Variants in LINGO2 observed in about 807,000 individuals in gnomAD.
LINGO2 encodes leucine-rich repeat and immunoglobulin-like domain-containing nogo receptor-interacting protein 2.
In LINGO2, 14 loss-of-function variants were observed where a neutral mutation model predicts 30.6. That is an observed-to-expected ratio of 0.46 (90% CI 0.30 to 0.72). LINGO2 has a LOEUF of 0.72. Ranked by LOEUF, LINGO2 falls within the 30% of genes least tolerant of loss-of-function variation. LINGO2 has a pLI of 0.07. For missense variants in LINGO2, 729 were observed against 751.7 expected (o/e 0.97, Z 0.35); for synonymous variants, 317 against 288.5 (o/e 1.10, Z -1.00).
the LINGO2 span, among the ~76,000 whole-genome samples, chr9:28,840,554 C>T: frequency 6.6e-6 from 1 of 151,870 alleles, no homozygotes; most frequent in Non-Finnish European, 1.5e-5. Flanking sequence ...AGTCAAACAT[C>T]TTTTATCCCA....
chr9:28,912,206 A>G, the LINGO2 span, among the ~76,000 whole-genome samples: 4 of 152,132 alleles, frequency 2.6e-5, no homozygotes, highest in Admixed American at 2.6e-4. Context: ...AAAAGCCTAT[A>G]AAGTGAAAAA....
At chr9:29,064,672 T>C in the LINGO2 span, among the ~76,000 whole-genome samples, 1 of 152,076 alleles carries the variant, frequency 6.6e-6, no homozygotes, top group Non-Finnish European at 1.5e-5. Flanking sequence ...AAATAATACA[T>C]ACAGTTATGA....
chr9:28,949,354 C>T, the LINGO2 span, among the ~76,000 whole-genome samples: 1 of 151,846 alleles, frequency 6.6e-6, no homozygotes, highest in Admixed American at 6.6e-5. Context: ...ATAGATAGAA[C>T]ATATGTAGCC....
At chr9:28,200,766 T>G (rs1447866093) in intron 4 of LINGO2, among the ~76,000 whole-genome samples, 2 of 152,220 alleles carry the variant, frequency 1.3e-5, no homozygotes, top group African/African-American at 4.8e-5. Flanking sequence ...CAAATTTCTA[T>G]ATGCAGAATA....
chr9:29,008,098 C>T, the LINGO2 span, among the ~76,000 whole-genome samples: 6 of 151,990 alleles, frequency 3.9e-5, no homozygotes, highest in Non-Finnish European at 7.4e-5. Flanking sequence ...CACGACAGGC[C>T]CTGGTGTGTG....
intron 1 of LINGO2, among the ~76,000 whole-genome samples, chr9:28,540,018 G>A (rs1484197564): frequency 6.6e-6 from 1 of 152,100 alleles, no homozygotes; most frequent in Non-Finnish European, 1.5e-5. Flanking sequence ...AATTTGGAAA[G>A]GGTTTCCAGA....
At chr9:28,752,707 G>A in the LINGO2 span, among the ~76,000 whole-genome samples, 13 of 152,042 alleles carry the variant, frequency 8.6e-5, no homozygotes, top group South Asian at 2.1e-4. Flanking sequence ...AAACATTTTA[G>A]TCCGGCTCCC....
At chr9:29,011,403 C>CTTTCTCCT in the LINGO2 span, among the ~76,000 whole-genome samples, 132,131 of 151,448 alleles carry the variant, frequency 0.87, 58,274 homozygotes, top group Non-Finnish European at 0.93. Flanking sequence ...GACATCCTTA[C>CTTTCTCCT]TTTCTCCTTT....
intron 4 of LINGO2, among the ~76,000 whole-genome samples, chr9:28,292,816 G>C (rs1823780454): frequency 1.3e-5 from 2 of 151,752 alleles, no homozygotes; most frequent in Non-Finnish European, 1.5e-5. Context: ...TGTCGCCCAG[G>C]CTGGAGTGCA....
intron 4 of LINGO2, among the ~76,000 whole-genome samples, chr9:28,260,903 C>T (rs760617151): frequency 1.3e-5 from 2 of 151,938 alleles, no homozygotes; most frequent in African/African-American, 2.4e-5. Flanking sequence ...GCTATCTGAG[C>T]AGAATTTAGT....
the LINGO2 span, among the ~76,000 whole-genome samples, chr9:29,011,827 T>C: frequency 2.0e-5 from 3 of 152,148 alleles, no homozygotes; most frequent in African/African-American, 7.2e-5. Context: ...GTTCTTCATA[T>C]AAAAACATTA....
At chr9:28,748,290 C>T in the LINGO2 span, among the ~76,000 whole-genome samples, 2 of 151,768 alleles carry the variant, frequency 1.3e-5, no homozygotes, top group Non-Finnish European at 2.9e-5. Context: ...TTTAACATAG[C>T]CTACATTTGA....
At chr9:28,783,232 C>T in the LINGO2 span, among the ~76,000 whole-genome samples, 1 of 151,984 alleles carries the variant, frequency 6.6e-6, no homozygotes, top group Non-Finnish European at 1.5e-5. Flanking sequence ...CATGGGGAAC[C>T]GGTTCTAGAA....
At chr9:28,534,040 G>A (rs1241739079) in intron 1 of LINGO2, among the ~76,000 whole-genome samples, 1 of 152,090 alleles carries the variant, frequency 6.6e-6, no homozygotes, top group Non-Finnish European at 1.5e-5. Context: ...TGAACCAATT[G>A]TTATAAGTGA....
intron 4 of LINGO2, among the ~76,000 whole-genome samples, chr9:28,250,085 CA>C (rs1383843051): frequency 6.6e-6 from 1 of 151,958 alleles, no homozygotes; most frequent in Non-Finnish European, 1.5e-5. Flanking sequence ...TGAAAATTAT[CA>C]AAAAGTGAAT....
chr9:28,111,717 C>T (rs976928925), intron 4 of LINGO2, among the ~76,000 whole-genome samples: 1 of 152,026 alleles, frequency 6.6e-6, no homozygotes, highest in Non-Finnish European at 1.5e-5. Context: ...GGGCTTCACC[C>T]ATATTAATTG....
intron 1 of LINGO2, among the ~76,000 whole-genome samples, chr9:28,634,062 G>A (rs1587995730): frequency 6.6e-6 from 1 of 151,990 alleles, no homozygotes; most frequent in African/African-American, 2.4e-5. Flanking sequence ...TAAATGAGAG[G>A]GGCAGTGGTG....
the LINGO2 span, among the ~76,000 whole-genome samples, chr9:29,054,713 G>T: frequency 6.6e-6 from 1 of 152,026 alleles, no homozygotes; most frequent in East Asian, 1.9e-4. Flanking sequence ...TGTAACAAAG[G>T]CATCTATAAG....
chr9:28,006,294 C>T (rs1197676990), intron 5 of LINGO2, among the ~76,000 whole-genome samples: 1 of 151,678 alleles, frequency 6.6e-6, no homozygotes, highest in African/African-American at 2.4e-5. Context: ...AAAACATGGG[C>T]CTTCTGAGGA....
Sources: allele counts gnomAD v4.1 joint callset (sites outside exome capture counted in the v4.1 genomes callset), GRCh38; gene constraint gnomAD v4.1.1; transcripts MANE v1.5; gene names NCBI Gene and HGNC (gene_info 2026-07-23, HGNC 2026-07-21).